The following TMEM135 variants were observed in gnomAD, a reference collection of about 807,000 sequenced individuals.
The protein encoded by TMEM135 is peroxisomal membrane protein 52.
TMEM135 carries 30 observed loss-of-function variants against 60.3 expected under a neutral mutation model. That is an observed-to-expected ratio of 0.50 (90% CI 0.37 to 0.68). The LOEUF is 0.68. TMEM135 is among the 30% of genes least tolerant of loss of function. TMEM135 has a pLI of 0.00. For missense variants in TMEM135, 468 were observed against 548.8 expected (o/e 0.85, Z 1.47); for synonymous variants, 190 against 186.7 (o/e 1.02, Z -0.14).
intron 4 of TMEM135, among the ~76,000 whole-genome samples, chr11:87,155,827 G>GT (rs1315308500): frequency 3.9e-5 from 6 of 152,174 alleles, no homozygotes; most frequent in Admixed American, 1.3e-4. Context: ...TTCAGGATCT[G>GT]TTTAAGTATT....
intron 4 of TMEM135, among the ~76,000 whole-genome samples, chr11:87,116,664 T>C (rs1056771316): frequency 2.0e-4 from 31 of 151,398 alleles, no homozygotes; most frequent in Non-Finnish European, 4.4e-5. Flanking sequence ...CACATACATA[T>C]AGTATAGGCA....
intron 5 of TMEM135, among the ~76,000 whole-genome samples, chr11:87,189,937 G>A (rs961975963): frequency 9.2e-5 from 14 of 151,546 alleles, no homozygotes; most frequent in African/African-American, 1.5e-4. Context: ...ATGAATGAAT[G>A]AATAAATAAA....
intron 2 of TMEM135, among the ~76,000 whole-genome samples, chr11:87,070,164 C>T (rs775696440): frequency 6.6e-6 from 1 of 151,968 alleles, no homozygotes; most frequent in Non-Finnish European, 1.5e-5. Flanking sequence ...AGGGCAAGAC[C>T]TTGTCTCTAA....
chr11:87,172,050 G>A (rs982367187), intron 5 of TMEM135, among the ~76,000 whole-genome samples: 1 of 152,052 alleles, frequency 6.6e-6, no homozygotes, highest in African/African-American at 2.4e-5. Context: ...GGGAACCCCT[G>A]TGCTTAATTA....
chr11:87,302,643 G>A (rs1942469348), intron 8 of TMEM135, among the ~76,000 whole-genome samples: 1 of 152,170 alleles, frequency 6.6e-6, no homozygotes, highest in Non-Finnish European at 1.5e-5. Flanking sequence ...ACCAGCATAT[G>A]CCTTTAAAAG....
intron 8 of TMEM135, among the ~76,000 whole-genome samples, chr11:87,304,774 G>A (rs1235193533): frequency 1.3e-5 from 2 of 152,232 alleles, no homozygotes; most frequent in African/African-American, 4.8e-5. Context: ...AAACATTCAT[G>A]TGGTTCAACC....
chr11:87,219,473 G>T (rs1054948399), intron 5 of TMEM135, among the ~76,000 whole-genome samples: 4 of 152,126 alleles, frequency 2.6e-5, no homozygotes, highest in South Asian at 2.1e-4. Flanking sequence ...TGGCGGGGCT[G>T]GGGGGAGAGA....
chr11:87,272,834 A>G (rs1455187229), intron 6 of TMEM135, among the ~76,000 whole-genome samples: 2 of 152,132 alleles, frequency 1.3e-5, no homozygotes, highest in Non-Finnish European at 2.9e-5. Flanking sequence ...AATTGTTACA[A>G]TGTCTCTTTT....
At chr11:87,198,052 G>T (rs188087614) in intron 5 of TMEM135, among the ~76,000 whole-genome samples, 1 of 152,132 alleles carries the variant, frequency 6.6e-6, no homozygotes, top group East Asian at 1.9e-4. Flanking sequence ...CCATCACCTT[G>T]AGTGTTTATC....
At chr11:87,250,511 A>T (rs914091961) in intron 6 of TMEM135, among the ~76,000 whole-genome samples, 30 of 151,894 alleles carry the variant, frequency 2.0e-4, no homozygotes, top group African/African-American at 7.0e-4. Flanking sequence ...AGAAATTTTT[A>T]AATTTTCTTC....
At chr11:87,192,339 C>G (rs1379518289) in intron 5 of TMEM135, among the ~76,000 whole-genome samples, 1 of 151,760 alleles carries the variant, frequency 6.6e-6, no homozygotes, top group Admixed American at 6.6e-5. Flanking sequence ...ATTTCTGGTA[C>G]CAATTTCAGT....
chr11:87,199,738 T>C (rs1406780800), intron 5 of TMEM135, among the ~76,000 whole-genome samples: 2 of 152,166 alleles, frequency 1.3e-5, no homozygotes, highest in Non-Finnish European at 2.9e-5. Context: ...GAGACCAGCC[T>C]GGCCAACAAG....
intron 4 of TMEM135, among the ~76,000 whole-genome samples, chr11:87,118,650 A>C (rs182979185): frequency 6.6e-6 from 1 of 151,926 alleles, no homozygotes; most frequent in Admixed American, 6.6e-5. Context: ...GGGTTTCACT[A>C]TGTTGGCCAA....
intron 1 of TMEM135, among the ~76,000 whole-genome samples, chr11:87,058,309 C>T (rs1451339486): frequency 2.0e-5 from 3 of 149,854 alleles, no homozygotes; most frequent in African/African-American, 7.5e-5. Context: ...TTTGTTACAA[C>T]AAATAATTCT....
intron 6 of TMEM135, among the ~76,000 whole-genome samples, chr11:87,265,545 T>C (rs1282346419): frequency 2.0e-5 from 3 of 152,064 alleles, no homozygotes; most frequent in African/African-American, 7.2e-5. Flanking sequence ...CAGATCAAAT[T>C]TTAATAAGCA....
intron 6 of TMEM135, among the ~76,000 whole-genome samples, chr11:87,250,672 G>A (rs1941395858): frequency 1.3e-5 from 2 of 152,014 alleles, no homozygotes; most frequent in African/African-American, 2.4e-5. Context: ...TTTAAGACTT[G>A]TTTTGTGGCC....
At chr11:87,259,627 T>C (rs540734486) in intron 6 of TMEM135, among the ~76,000 whole-genome samples, 1 of 152,198 alleles carries the variant, frequency 6.6e-6, no homozygotes, top group Non-Finnish European at 1.5e-5. Context: ...ATGGGATCAT[T>C]GGGAGAGAAA....
intron 6 of TMEM135, among the ~76,000 whole-genome samples, chr11:87,268,905 A>G (rs979029775): frequency 2.6e-5 from 4 of 152,196 alleles, no homozygotes; most frequent in African/African-American, 9.6e-5. Flanking sequence ...AGTTCTGCTT[A>G]AGATGCCTAT....
At chr11:87,101,635 C>G (rs924425517) in intron 4 of TMEM135, among the ~76,000 whole-genome samples, 1 of 152,076 alleles carries the variant, frequency 6.6e-6, no homozygotes, top group African/African-American at 2.4e-5. Context: ...CATGCAGTGT[C>G]TTTTATTAAA....
Sources: gnomAD v4.1 joint callset for allele counts (sites outside exome capture counted in the v4.1 genomes callset) on GRCh38, gnomAD v4.1.1 for gene constraint, MANE v1.5 for transcripts, NCBI Gene and HGNC (gene_info 2026-07-23, HGNC 2026-07-21) for gene names.